ACTR3C: variants seen among roughly 807,000 people sequenced by gnomAD.
ACTR3C encodes the protein actin-related protein 3C.
Under a neutral mutation model 26.3 loss-of-function variants are expected in ACTR3C, and 18 were observed. That is an observed-to-expected ratio of 0.68 (90% CI 0.47 to 1.01). The LOEUF is 1.01. Among genes scored for constraint, ACTR3C ranks in the 50% least tolerant of loss-of-function variants. The pLI is 0.00. For synonymous variants in ACTR3C, 55 were observed against 94.5 expected (o/e 0.58, Z 2.42); for missense variants, 184 against 250.7 (o/e 0.73, Z 1.80).
At chr7:149,948,389 A>C in the ACTR3C span, among the ~76,000 whole-genome samples, 6 of 150,086 alleles carry the variant, frequency 4.0e-5, no homozygotes, top group African/African-American at 1.5e-4. Flanking sequence ...GTGCCTGCTC[A>C]CCTCATCGCT....
At chr7:150,098,583 G>A in the ACTR3C span, among the ~76,000 whole-genome samples, 1 of 151,662 alleles carries the variant, frequency 6.6e-6, no homozygotes, top group East Asian at 1.9e-4. Context: ...TTTACTTAAA[G>A]TGCTTTTTGA....
At chr7:150,110,260 A>C in the ACTR3C span, among the ~76,000 whole-genome samples, 1 of 151,686 alleles carries the variant, frequency 6.6e-6, no homozygotes, top group African/African-American at 2.4e-5. Flanking sequence ...CAAAGCAAAA[A>C]CAGTAAGAAA....
At chr7:150,271,161 C>T (rs1042623140) in intron 6 of ACTR3C, among the ~76,000 whole-genome samples, 1 of 136,740 alleles carries the variant, frequency 7.3e-6, no homozygotes, top group Non-Finnish European at 1.5e-5. Flanking sequence ...ACGTCTGACA[C>T]AGTGGGAAAT....
At chr7:150,243,834 G>C (rs1832319470), downstream of ACTR3C, 1 of 151,946 alleles carries the variant, frequency 6.6e-6, no homozygotes, top group South Asian at 2.1e-4. Flanking sequence ...ATCTGTGGTT[G>C]TTTGAATCCA....
At chr7:150,068,457 A>T in the ACTR3C span, among the ~76,000 whole-genome samples, 4 of 152,038 alleles carry the variant, frequency 2.6e-5, no homozygotes, top group Admixed American at 1.3e-4. Flanking sequence ...GTCAAATCAG[A>T]TATCCAATTT....
At chr7:150,190,061 G>A in the ACTR3C span, among the ~76,000 whole-genome samples, 1 of 152,140 alleles carries the variant, frequency 6.6e-6, no homozygotes, top group Non-Finnish European at 1.5e-5. Context: ...AACTTTGTGT[G>A]GTCAGCTTGT....
At chr7:150,036,902 G>A in the ACTR3C span, among the ~76,000 whole-genome samples, 1 of 117,270 alleles carries the variant, frequency 8.5e-6, no homozygotes, top group Non-Finnish European at 2.0e-5. Flanking sequence ...CCCGCCTCGC[G>A]GGGAGTGCCT....
At chr7:149,994,653 G>A in the ACTR3C span, among the ~76,000 whole-genome samples, 3 of 151,992 alleles carry the variant, frequency 2.0e-5, no homozygotes, top group Admixed American at 6.6e-5. Context: ...ACAGTACAAT[G>A]TGTAAAGGCC....
At chr7:150,080,273 T>C in the ACTR3C span, among the ~76,000 whole-genome samples, 2 of 151,078 alleles carry the variant, frequency 1.3e-5, no homozygotes, top group African/African-American at 4.9e-5. Context: ...TCCAACCGTT[T>C]ATTCTTCCCC....
chr7:150,114,671 G>A, the ACTR3C span, among the ~76,000 whole-genome samples: 13 of 152,202 alleles, frequency 8.5e-5, no homozygotes, highest in Non-Finnish European at 1.6e-4. Flanking sequence ...GGTTTGGTTT[G>A]AATTTCATCA....
chr7:149,917,434 T>G, the ACTR3C span, among the ~76,000 whole-genome samples: 1 of 152,126 alleles, frequency 6.6e-6, no homozygotes, highest in East Asian at 1.9e-4. Context: ...TGTTAAATGC[T>G]CCTATCTTTT....
the ACTR3C span, among the ~76,000 whole-genome samples, chr7:150,022,975 T>C: frequency 6.6e-6 from 1 of 151,606 alleles, no homozygotes; most frequent in African/African-American, 2.4e-5. Context: ...ATTTTACTAA[T>C]TAATATATGC....
the ACTR3C span, among the ~76,000 whole-genome samples, chr7:149,973,588 G>A: frequency 6.6e-6 from 1 of 152,080 alleles, no homozygotes; most frequent in Non-Finnish European, 1.5e-5. Flanking sequence ...GAGGACAGAA[G>A]TACAAGGCTC....
chr7:150,074,150 A>T, the ACTR3C span: 2 of 152,172 alleles, frequency 1.3e-5, no homozygotes, highest in African/African-American at 4.8e-5. Flanking sequence ...CTTGAGCTAC[A>T]TGTTCTAGAA....
intron 6 of ACTR3C, among the ~76,000 whole-genome samples, chr7:150,249,838 G>C (rs562070790): frequency 6.6e-6 from 1 of 152,332 alleles, no homozygotes; most frequent in African/African-American, 2.4e-5. Context: ...AATGCATGTA[G>C]AAGAAATACC....
the ACTR3C span, among the ~76,000 whole-genome samples, chr7:150,048,729 C>T: frequency 6.6e-6 from 1 of 152,112 alleles, no homozygotes; most frequent in African/African-American, 2.4e-5. Context: ...AGAGACACCC[C>T]GAGGACCTGG....
chr7:150,227,124 TTGTG>T, the ACTR3C span, among the ~76,000 whole-genome samples: 1 of 150,582 alleles, frequency 6.6e-6, no homozygotes, highest in African/African-American at 2.5e-5. Flanking sequence ...CAACTTAACA[TTGTG>T]TGTGTGTGTT....
chr7:150,204,765 G>A, the ACTR3C span, among the ~76,000 whole-genome samples: 4 of 151,914 alleles, frequency 2.6e-5, no homozygotes, highest in East Asian at 7.7e-4. Flanking sequence ...GAGGACCAGC[G>A]AGTGCAGAGG....
At chr7:150,060,739 G>A in the ACTR3C span, among the ~76,000 whole-genome samples, 1 of 152,120 alleles carries the variant, frequency 6.6e-6, no homozygotes, top group African/African-American at 2.4e-5. Context: ...CCGGGAGCCC[G>A]GGCTGACTCA....
Sources: allele counts gnomAD v4.1 joint callset (sites outside exome capture counted in the v4.1 genomes callset), GRCh38; gene constraint gnomAD v4.1.1; transcripts MANE v1.5; gene names NCBI Gene and HGNC (gene_info 2026-07-23, HGNC 2026-07-21).